The following NCOA3 variants were observed in gnomAD, a reference collection of about 807,000 sequenced individuals.
The protein encoded by NCOA3 is CBP-interacting protein.
NCOA3 carries 51 observed loss-of-function variants against 158.8 expected under a neutral mutation model. The observed-to-expected ratio is 0.32, with a 90% CI of 0.26 to 0.41. NCOA3 has a LOEUF of 0.41. Ranked by LOEUF, NCOA3 falls within the 10% of genes least tolerant of loss-of-function variation. The probability of loss-of-function intolerance (pLI) is 1.00; values close to 1 mark genes in which losing one functional copy is unlikely to be tolerated. For synonymous variants in NCOA3, 537 were observed against 592.4 expected, an observed-to-expected ratio of 0.91 and a Z score of 1.36; for missense variants, 1,510 against 1,746.6, an observed-to-expected ratio of 0.86 and a Z score of 2.41.
intron 19 of NCOA3, among the ~76,000 whole-genome samples, chr20:47,650,736 G>A (rs1008370856): frequency 6.6e-6 from 1 of 151,858 alleles, no homozygotes. Context: ...GGTGGTGCAC[G>A]CCTGTAATCC....
intron 2 of NCOA3, among the ~76,000 whole-genome samples, chr20:47,596,497 A>G (rs2085758435): frequency 6.6e-6 from 1 of 152,178 alleles, no homozygotes; most frequent in African/African-American, 2.4e-5. Flanking sequence ...AAATATTTTT[A>G]TTGCTCTAAA....
chr20:47,518,798 C>T (rs1422281532), intron 1 of NCOA3, among the ~76,000 whole-genome samples: 1 of 152,090 alleles, frequency 6.6e-6, no homozygotes, highest in Non-Finnish European at 1.5e-5. Flanking sequence ...ATCCACGCTA[C>T]CAATCAAGAA....
At position 47,651,210 on chromosome 20, in the gene NCOA3, G is replaced by GGGC. The variant is rs1299653679; in HGVS notation, c.3881_3883dup (p.Gly1294_Leu1295insArg). The GGGC allele has an allele frequency of 8.1e-6, 13 of 1,614,048 alleles. No individual in the cohort carries two copies. Among genetic ancestry groups the GGGC allele is most frequent in the Non-Finnish European group, 1.0e-5 (12 of 1,179,968 alleles). On this transcript the variant is annotated inframe_insertion, in exon 20 of 23. Coordinates refer to ENST00000371998, the MANE Select transcript of NCOA3 (RefSeq NM_181659.3). ...TGTGACTGCTTCCCCCAGCATGGAT[G>GGGC]GGCTTTTGGCAGGACCCACAATGCC...
At chr20:47,531,277 T>C (rs1261394508) in intron 1 of NCOA3, among the ~76,000 whole-genome samples, 1 of 152,086 alleles carries the variant, frequency 6.6e-6, no homozygotes, top group East Asian at 1.9e-4. Flanking sequence ...AGGCAGAGGC[T>C]GCATGCAGTG....
chr20:47,617,568 C>G (rs1037007956), intron 2 of NCOA3, among the ~76,000 whole-genome samples: 12 of 152,124 alleles, frequency 7.9e-5, no homozygotes, highest in African/African-American at 2.7e-4. Flanking sequence ...AGCATATCCT[C>G]CCAGTGAGAA....
intron 2 of NCOA3, among the ~76,000 whole-genome samples, chr20:47,619,568 C>CT (rs1332369506): frequency 6.6e-6 from 1 of 150,772 alleles, no homozygotes; most frequent in Non-Finnish European, 1.5e-5. Context: ...TTGCTTGAGC[C>CT]TGGGAAGCCG....
rs759848579 is a variant in NCOA3, at chr20:47,635,436, A to G, written c.1227A>G (p.Leu409=). 1.2e-6 allele frequency: 2 copies of G among 1,614,220 alleles called. No homozygotes were observed. Among genetic ancestry groups the G allele is most frequent in the East Asian group, 4.5e-5 (2 of 44,880 alleles). ...GGMSMSPNQG[L]QMPSSRAYGL... is the part of the protein sequence containing the mutation. ...TGAGTATGTCGCCAAACCAAGGCTT[A>G]CAGATGCCGAGCAGCAGGGCCTATG... The change falls in exon 11 of 23, where the codon TTA becomes TTG. Residue 409 remains leucine, a synonymous_variant. Coordinates refer to ENST00000371998, the MANE Select transcript of NCOA3 (RefSeq NM_181659.3).
chr20:47,603,245 C>T (rs574581120), intron 2 of NCOA3, among the ~76,000 whole-genome samples: 1 of 152,354 alleles, frequency 6.6e-6, no homozygotes, highest in Admixed American at 6.5e-5. Flanking sequence ...AAGATTTAGA[C>T]AATTTGCTTA....
chr20:47,615,709 A>G (rs998705702), intron 2 of NCOA3, among the ~76,000 whole-genome samples: 3 of 152,206 alleles, frequency 2.0e-5, no homozygotes, highest in African/African-American at 7.2e-5. Context: ...AGAAAGGCCT[A>G]TAGTATTTAT....
Position 47,587,590 on chromosome 20 carries a change from G to A in NCOA3, c.-20+4329G>A, listed in dbSNP as rs540083060. ...GCATATAACCCATGTTCAATTTCTT[G>A]TATGCTTTAAGTCATCTCTAGATTA... is the stretch of plus-strand genomic sequence containing the variant. On this transcript the variant is annotated intron_variant, in intron 2 of 22. Coordinates refer to ENST00000371998, the MANE Select transcript of NCOA3 (RefSeq NM_181659.3). Among the ~76,000 whole-genome samples, 6 of 152,242 alleles carry A rather than the reference G, an allele frequency of 3.9e-5. No homozygotes were observed. The East Asian group carries it at 5.8e-4, about 15-fold the overall frequency.
chr20:47,563,806 T>C (rs913547661), intron 1 of NCOA3, among the ~76,000 whole-genome samples: 1 of 151,264 alleles, frequency 6.6e-6, no homozygotes, highest in African/African-American at 2.4e-5. Context: ...CGAGAATCTC[T>C]TGAACCTGGG....
Position 47,653,086 on chromosome 20 carries a change from T to C in NCOA3, c.4263+14T>C. The C allele has an allele frequency of 6.2e-7, 1 of 1,612,972 alleles. No homozygotes were observed. The highest frequency in any genetic ancestry group is 8.5e-7 in the Non-Finnish European group (1 of 1,179,502). On this transcript the variant is annotated intron_variant, in intron 22 of 22. Coordinates refer to ENST00000371998, the MANE Select transcript of NCOA3 (RefSeq NM_181659.3). The stretch of plus-strand genomic sequence containing the variant: ...GGTCCTGATCAGGTATGGGATCGAT[T>C]CCTTACCTTTTTCAAAAAGTTTTTC...
intron 16 of NCOA3, 152 bp downstream of exon 16, chr20:47,640,203 T>A: frequency 9.9e-7 from 1 of 1,010,258 alleles, no homozygotes; most frequent in Non-Finnish European, 1.5e-6. Context: ...TAACTCTGTG[T>A]AAAAATGAGG....
At chr20:47,523,849 C>T (rs1211513187) in intron 1 of NCOA3, among the ~76,000 whole-genome samples, 1 of 152,206 alleles carries the variant, frequency 6.6e-6, no homozygotes, top group Non-Finnish European at 1.5e-5. Context: ...TCTAATATTT[C>T]AGTTAGAAGG....
intron 1 of NCOA3, among the ~76,000 whole-genome samples, chr20:47,555,664 A>T (rs2084992774): frequency 8.5e-6 from 1 of 117,566 alleles, no homozygotes. Context: ...TTTGGGACAG[A>T]GTCTCGCCCT....
chr20:47,536,805 C>CTTTTTTTTTT (rs1227796813), intron 1 of NCOA3, among the ~76,000 whole-genome samples: 1 of 129,730 alleles, frequency 7.7e-6, no homozygotes, highest in African/African-American at 2.9e-5. Flanking sequence ...CTGTTTTTTT[C>CTTTTTTTTTT]TTTTTTTTTT....
At chr20:47,633,470 C>CT (rs573750252) in intron 8 of NCOA3, 26 bp from the exon 9 acceptor site, 6 of 1,592,402 alleles carry the variant, frequency 3.8e-6, no homozygotes, top group Admixed American at 3.6e-5. Flanking sequence ...GGATATAAGT[C>CT]TTTTTTTCCT....
chr20:47,535,959 C>T (rs1444813070), intron 1 of NCOA3, among the ~76,000 whole-genome samples: 3 of 152,090 alleles, frequency 2.0e-5, no homozygotes, highest in Admixed American at 2.0e-4. Flanking sequence ...TCTGCATCAA[C>T]TTAAATGTAG....
At position 47,652,585 on chromosome 20, in the gene NCOA3, A is replaced by G; in HGVS notation, c.4121+5A>G. 6.2e-7 allele frequency: 1 copy of G among 1,602,002 alleles called. No individual in the cohort carries two copies. The highest frequency in any genetic ancestry group is 8.5e-7 in the Non-Finnish European group (1 of 1,169,770). On this transcript the variant is annotated splice_donor_5th_base_variant and intron_variant, in intron 21 of 22. Coordinates refer to ENST00000371998, the MANE Select transcript of NCOA3 (RefSeq NM_181659.3). ...AGGAAATTTGGCCAGGAACAGGTAA[A>G]GAACAGTGACTTATAAAGTTAGTCA...
Sources: gnomAD v4.1 joint callset for allele counts (sites outside exome capture counted in the v4.1 genomes callset) on GRCh38, gnomAD v4.1.1 for gene constraint, MANE v1.5 for transcripts, NCBI Gene and HGNC (gene_info 2026-07-23, HGNC 2026-07-21) for gene names.